The following SMC6 variants were observed in gnomAD, a reference collection of about 807,000 sequenced individuals.
The protein encoded by SMC6 is structural maintenance of chromosomes protein 6.
SMC6 carries 79 observed loss-of-function variants against 142.2 expected under a neutral mutation model. The observed-to-expected ratio is 0.56, with a 90% CI of 0.46 to 0.67. The LOEUF (loss-of-function observed/expected upper bound fraction) is 0.67. Ranked by LOEUF, SMC6 falls within the 30% of genes least tolerant of loss-of-function variation. The probability of loss-of-function intolerance (pLI) is 0.00; values close to 1 mark genes in which losing one functional copy is unlikely to be tolerated. For synonymous variants in SMC6, 411 were observed against 412.4 expected (o/e 1.00, Z 0.04); for missense variants, 1,072 against 1,284.0 (o/e 0.83, Z 2.52).
At chr2:17,702,671 T>G (rs1027368206) in intron 19 of SMC6, among the ~76,000 whole-genome samples, 2 of 152,168 alleles carry the variant, frequency 1.3e-5, no homozygotes, top group Non-Finnish European at 2.9e-5. Flanking sequence ...TGATGGGAGA[T>G]AATTGAACCA....
At chr2:17,684,386 C>CA (rs1225795777) in intron 23 of SMC6, among the ~76,000 whole-genome samples, 1 of 152,024 alleles carries the variant, frequency 6.6e-6, no homozygotes, top group Non-Finnish European at 1.5e-5. Flanking sequence ...AAATAAGTAA[C>CA]AAAAAACGCG....
chr2:17,685,317 A>C (rs1416542404), intron 23 of SMC6, among the ~76,000 whole-genome samples: 3 of 152,176 alleles, frequency 2.0e-5, no homozygotes, highest in Admixed American at 2.0e-4. Flanking sequence ...CAATGAAAAA[A>C]ATCACTGAAT....
In SMC6 at chr2:17,726,480, C is replaced by A; in HGVS notation, c.544-11G>T. ...AACTGGATTATCCACCTCAAACAAA[C>A]AAAAAGTCATTTTTGAATATTTTAC... On this transcript the variant is annotated splice_polypyrimidine_tract_variant and intron_variant, in intron 7 of 27. Coordinates refer to ENST00000448223, the MANE Select transcript of SMC6 (RefSeq NM_001142286.2). 1 of 1,601,536 alleles carries A rather than the reference C, an allele frequency of 6.2e-7. No individual in the cohort carries two copies. Among genetic ancestry groups the A allele is most frequent in the Admixed American group, 1.7e-5 (1 of 57,936 alleles).
At chr2:17,716,024 G>T in intron 15 of SMC6, 62 bp downstream of exon 15, 3 of 1,280,670 alleles carry the variant, frequency 2.3e-6, no homozygotes, top group South Asian at 2.3e-5. Flanking sequence ...TCATTCAATC[G>T]TTCTGAAAAT....
intron 25 of SMC6, among the ~76,000 whole-genome samples, chr2:17,671,915 T>A (rs933017985): frequency 1.3e-5 from 2 of 152,088 alleles, no homozygotes; most frequent in Admixed American, 1.3e-4. Context: ...TAGTTTCATA[T>A]CAATAGCAGA....
Position 17,720,997 on chromosome 2 carries a change from A to G in SMC6, c.888T>C (p.Asn296=), listed in dbSNP as rs143491485. ...IEKQLNAIRD[N]IKIGEDRAAR... is the part of the protein sequence containing the mutation. ...CAGCACGATCTTCTCCAATTTTGAT[A>G]TTATCTCTGATGGCATTCAATTGTT... The change falls in exon 11 of 28, where the codon AAT becomes AAC. Residue 296 remains asparagine, a synonymous_variant. Coordinates refer to ENST00000448223, the MANE Select transcript of SMC6 (RefSeq NM_001142286.2). 3 of 1,613,644 alleles carry G rather than the reference A, an allele frequency of 1.9e-6. No individual in the cohort carries two copies. In the African/African-American group the frequency reaches 4.0e-5, roughly 22 times the overall value.
chr2:17,690,922 T>C (rs1347293550), intron 23 of SMC6, among the ~76,000 whole-genome samples: 1 of 151,204 alleles, frequency 6.6e-6, no homozygotes, highest in Non-Finnish European at 1.5e-5. Flanking sequence ...ACAATCCCTA[T>C]AAAGGGAAAT....
At chr2:17,677,160 A>G (rs540573271) in intron 25 of SMC6, among the ~76,000 whole-genome samples, 5 of 152,240 alleles carry the variant, frequency 3.3e-5, no homozygotes, top group African/African-American at 1.2e-4. Flanking sequence ...TTATTACCTT[A>G]TGCTTGATAT....
At chr2:17,688,880 G>C (rs1209941425) in intron 23 of SMC6, among the ~76,000 whole-genome samples, 2 of 152,146 alleles carry the variant, frequency 1.3e-5, no homozygotes, top group African/African-American at 4.8e-5. Context: ...CCTTACAAGT[G>C]ACTGATAAAT....
chr2:17,713,887 A>G (rs544276807), intron 16 of SMC6, among the ~76,000 whole-genome samples: 16 of 152,338 alleles, frequency 1.1e-4, no homozygotes, highest in African/African-American at 3.6e-4. Context: ...TAAAAGACTG[A>G]TGATTTCTCA....
At chr2:17,721,061 A>C (rs1164896381) in intron 10 of SMC6, 23 bp from the exon 11 acceptor site, 1 of 1,613,178 alleles carries the variant, frequency 6.2e-7, no homozygotes, top group Non-Finnish European at 8.5e-7. Context: ...TTATATAGCA[A>C]ATTGATCAGA....
At chr2:17,675,161 C>T (rs905083755) in intron 25 of SMC6, among the ~76,000 whole-genome samples, 4 of 151,910 alleles carry the variant, frequency 2.6e-5, no homozygotes. Context: ...AATTATACAT[C>T]CTTTTAAAAT....
At chr2:17,705,596 C>T (rs965957640) in intron 18 of SMC6, among the ~76,000 whole-genome samples, 1 of 152,068 alleles carries the variant, frequency 6.6e-6, no homozygotes, top group African/African-American at 2.4e-5. Flanking sequence ...GCCAAGTAAA[C>T]AAACTTCGGA....
chr2:17,670,625 C>A, intron 25 of SMC6, 50 bp from the exon 26 acceptor site: 2 of 1,460,428 alleles, frequency 1.4e-6, no homozygotes, highest in South Asian at 1.4e-5. Flanking sequence ...AAATGAAAGG[C>A]CAGATTAAAT....
rs2124962673 is a variant in SMC6, at chr2:17,707,565, A to G, written c.1846-186T>C. On this transcript the variant is annotated intron_variant, in intron 17 of 27. Transcript: ENST00000448223. ...AACTTTCAAGGTTAGAAGAATGAAA[A>G]CTATTTAAAAAGTCTTAAAACAGTT... Among the ~76,000 whole-genome samples, 2 of 152,200 alleles carry G rather than the reference A, an allele frequency of 1.3e-5. 1 individual carries two copies. Among genetic ancestry groups the G allele is most frequent in the South Asian group, 4.1e-4 (2 of 4,828 alleles).
intron 9 of SMC6, among the ~76,000 whole-genome samples, chr2:17,722,421 AC>A (rs1161582526): frequency 2.0e-5 from 3 of 151,928 alleles, no homozygotes; most frequent in African/African-American, 7.3e-5. Flanking sequence ...CCTCTTCATG[AC>A]TCATGTTCAT....
intron 18 of SMC6, 116 bp from the exon 19 acceptor site, chr2:17,703,408 T>C (rs1668362299): frequency 5.7e-6 from 5 of 871,244 alleles, no homozygotes; most frequent in Non-Finnish European, 8.5e-6. Flanking sequence ...AAAATCCTTT[T>C]CAGTTAAACC....
At chr2:17,731,710 T>C (rs1425096174) in intron 6 of SMC6, 31 bp downstream of exon 6, 2 of 1,592,118 alleles carry the variant, frequency 1.3e-6, no homozygotes, top group Admixed American at 1.7e-5. Flanking sequence ...CCTAATATTT[T>C]ATAAGAAATG....
chr2:17,695,838 T>C (rs7572870), intron 22 of SMC6, among the ~76,000 whole-genome samples: 52,365 of 152,070 alleles, frequency 0.34, 9,901 homozygotes, highest in African/African-American at 0.46. Flanking sequence ...AATCCATCTG[T>C]TCTGGTTAGG....
Sources: gnomAD v4.1 joint callset for allele counts (sites outside exome capture counted in the v4.1 genomes callset) on GRCh38, gnomAD v4.1.1 for gene constraint, MANE v1.5 for transcripts, NCBI Gene and HGNC (gene_info 2026-07-23, HGNC 2026-07-21) for gene names.